The following ZNF69 variants were observed in gnomAD, a reference collection of about 807,000 sequenced individuals.
ZNF69 encodes the protein ZNF3.
Under a neutral mutation model 50.9 loss-of-function variants are expected in ZNF69, and 47 were observed. The observed-to-expected ratio is 0.92, with a 90% CI of 0.73 to 1.18. The LOEUF is 1.18. Among genes scored for constraint, ZNF69 ranks in the 50% most tolerant of loss-of-function variants. The probability of loss-of-function intolerance (pLI) is 0.00; values close to 1 mark genes in which losing one functional copy is unlikely to be tolerated. For missense variants in ZNF69, 717 were observed against 675.1 expected, an observed-to-expected ratio of 1.06 and a Z score of -0.69; for synonymous variants, 216 against 223.1, an observed-to-expected ratio of 0.97 and a Z score of 0.29.
rs1425604970 is a variant in ZNF69 at position 11,905,931 on chromosome 19, G to A, written c.1534G>A (p.Gly512Ser). 3.7e-6 allele frequency: 6 copies of A among 1,613,848 alleles called. No homozygotes were observed. The highest frequency in any genetic ancestry group is 5.1e-6 in the Non-Finnish European group (6 of 1,179,988). ...GAAACTCTATGAATGCAAGCAATGT[G>A]GTGAAGCCTTCAGTAGTTCCAGTTC... is the stretch of plus-strand genomic sequence containing the variant. ...GEKLYECKQC[G>S]EAFSSSSSFR... Residue 512 changes from glycine (G) to serine (S), a missense_variant, in exon 4 of 4, where the codon GGT (glycine) becomes AGT (serine). Transcript: ENST00000429654.
chr19:11,979,695 C>G, the ZNF69 span: 1 of 1,602,196 alleles, frequency 6.2e-7, no homozygotes, highest in Non-Finnish European at 8.5e-7. Context: ...GGGACTCACC[C>G]TGAAGAGAAG....
chr19:11,922,816 T>G, the ZNF69 span, among the ~76,000 whole-genome samples: 3 of 144,640 alleles, frequency 2.1e-5, no homozygotes, highest in Admixed American at 2.1e-4. Flanking sequence ...TTTTTATGGG[T>G]TTTTTTGTTT....
At chr19:11,959,327 T>C in the ZNF69 span, among the ~76,000 whole-genome samples, 1 of 152,216 alleles carries the variant, frequency 6.6e-6, no homozygotes, top group East Asian at 1.9e-4. Context: ...ATAATAACAA[T>C]ATGAATACTC....
the ZNF69 span, among the ~76,000 whole-genome samples, chr19:11,935,326 T>C: frequency 7.3e-6 from 1 of 137,252 alleles, no homozygotes; most frequent in Non-Finnish European, 1.5e-5. Context: ...AACATCTGCC[T>C]CCCAGGTTCA....
intron 1 of ZNF69, among the ~76,000 whole-genome samples, chr19:11,890,614 C>A (rs1247929982): frequency 6.6e-6 from 1 of 152,100 alleles, no homozygotes; most frequent in East Asian, 1.9e-4. Flanking sequence ...CATGCACCAC[C>A]ACGCCTGCCT....
At chr19:11,912,444 A>G (rs528616113) in intron 4 of ZNF69, among the ~76,000 whole-genome samples, 68 of 152,316 alleles carry the variant, frequency 4.5e-4, no homozygotes, top group Non-Finnish European at 9.4e-4. Context: ...AGGAAACCCT[A>G]TGAAGGCAAG....
the ZNF69 span, among the ~76,000 whole-genome samples, chr19:11,971,889 T>A: frequency 2.0e-5 from 3 of 151,928 alleles, no homozygotes; most frequent in Non-Finnish European, 4.4e-5. Context: ...CGTGGAGGTT[T>A]CCATGTCTAC....
At chr19:11,939,728 T>C in the ZNF69 span, among the ~76,000 whole-genome samples, 3 of 152,172 alleles carry the variant, frequency 2.0e-5, no homozygotes, top group African/African-American at 4.8e-5. Flanking sequence ...CCTAAAGTAC[T>C]GGAATTATAG....
At chr19:11,950,410 GCCTT>G in the ZNF69 span, 1 of 826,444 alleles carries the variant, frequency 1.2e-6, no homozygotes. Context: ...GTGTGGGAAA[GCCTT>G]CATTCCTTTT....
At chr19:11,925,347 G>T in the ZNF69 span, 1 of 1,589,070 alleles carries the variant, frequency 6.3e-7, no homozygotes, top group Non-Finnish European at 8.6e-7. Flanking sequence ...GCTGTGGCGG[G>T]ACCCGGGCCT....
the ZNF69 span, among the ~76,000 whole-genome samples, chr19:11,930,546 G>A: frequency 6.7e-6 from 1 of 148,434 alleles, no homozygotes; most frequent in Non-Finnish European, 1.5e-5. Context: ...ACTATAACCG[G>A]CAACTCTAGA....
the ZNF69 span, among the ~76,000 whole-genome samples, chr19:11,925,815 A>C: frequency 6.6e-6 from 1 of 152,250 alleles, no homozygotes; most frequent in Non-Finnish European, 1.5e-5. Context: ...AGAGCCGAAT[A>C]GGAGAGACCT....
chr19:11,969,293 C>T, the ZNF69 span, among the ~76,000 whole-genome samples: 5 of 152,122 alleles, frequency 3.3e-5, no homozygotes, highest in Admixed American at 3.3e-4. Flanking sequence ...TTAGTAAAGA[C>T]AGCGTTTTAT....
the ZNF69 span, chr19:11,950,698 A>G: frequency 4.2e-6 from 1 of 236,312 alleles, no homozygotes; most frequent in Non-Finnish European, 8.6e-6. Flanking sequence ...TATCATAAGT[A>G]TACTAACATG....
the ZNF69 span, among the ~76,000 whole-genome samples, chr19:11,940,675 G>A: frequency 6.0e-4 from 91 of 152,226 alleles, 1 homozygote; most frequent in African/African-American, 6.5e-4. Flanking sequence ...AAGGGGACCC[G>A]AGTGGGTTGC....
chr19:11,971,045 A>G, the ZNF69 span, among the ~76,000 whole-genome samples: 1 of 152,190 alleles, frequency 6.6e-6, no homozygotes, highest in South Asian at 2.1e-4. Flanking sequence ...ATTAGTGTAG[A>G]GTTCAAAGCT....
At chr19:11,952,378 A>G in the ZNF69 span, among the ~76,000 whole-genome samples, 1 of 152,248 alleles carries the variant, frequency 6.6e-6, no homozygotes, top group East Asian at 1.9e-4. Flanking sequence ...TTACTAAGTC[A>G]TAGGAAGCTA....
At chr19:11,979,343 G>A in the ZNF69 span, 5 of 1,608,452 alleles carry the variant, frequency 3.1e-6, no homozygotes, top group African/African-American at 1.4e-5. Flanking sequence ...AGGACTCACT[G>A]GAGAGAAACC....
the ZNF69 span, chr19:11,949,021 C>A: frequency 1.9e-5 from 31 of 1,606,384 alleles, no homozygotes; most frequent in East Asian, 2.7e-4. Flanking sequence ...TGGGAAAAAA[C>A]CGTATGAATG....
Sources: gnomAD v4.1 joint callset for allele counts (sites outside exome capture counted in the v4.1 genomes callset) on GRCh38, gnomAD v4.1.1 for gene constraint, MANE v1.5 for transcripts, NCBI Gene and HGNC (gene_info 2026-07-23, HGNC 2026-07-21) for gene names.